Variants in CCDC178 observed in about 807,000 individuals in gnomAD.
CCDC178 encodes the protein coiled-coil domain-containing protein 178.
In CCDC178, 126 loss-of-function variants were observed where a neutral mutation model predicts 117.4. The observed-to-expected ratio is 1.07, with a 90% CI of 0.93 to 1.24. CCDC178 has a LOEUF of 1.24. CCDC178 is among the 50% of genes most tolerant of loss of function. The pLI is 0.00. For synonymous variants in CCDC178, 283 were observed against 313.4 expected (o/e 0.90, Z 1.02); for missense variants, 1,030 against 986.9 (o/e 1.04, Z -0.59).
At chr18:33,223,365 G>A in intron 17 of CCDC178, 146 bp from the exon 18 acceptor site, 1 of 940,684 alleles carries the variant, frequency 1.1e-6, no homozygotes, top group Non-Finnish European at 1.4e-6. Flanking sequence ...ATAAATTACA[G>A]AAATATACTG....
chr18:33,285,369 A>G (rs1024986278), intron 12 of CCDC178, among the ~76,000 whole-genome samples: 1 of 152,126 alleles, frequency 6.6e-6, no homozygotes, highest in South Asian at 2.1e-4. Flanking sequence ...AACAATGGAA[A>G]AAAATCACCA....
intron 20 of CCDC178, among the ~76,000 whole-genome samples, chr18:33,099,135 T>C (rs1054288202): frequency 1.3e-5 from 2 of 152,074 alleles, no homozygotes; most frequent in Admixed American, 6.6e-5. Context: ...TAAACTCTCA[T>C]AGATAAGGTT....
chr18:32,967,757 TTTTTG>T (rs2054845063), intron 22 of CCDC178, among the ~76,000 whole-genome samples: 1 of 151,734 alleles, frequency 6.6e-6, no homozygotes, highest in African/African-American at 2.4e-5. Context: ...ACTGACAAAT[TTTTTG>T]TTTTGTTTTT....
chr18:33,169,827 T>G (rs570162846), intron 20 of CCDC178, among the ~76,000 whole-genome samples: 4 of 152,302 alleles, frequency 2.6e-5, no homozygotes, highest in Non-Finnish European at 4.4e-5. Flanking sequence ...TTCAATTCAA[T>G]TATTGAATGT....
At chr18:33,362,190 C>CATATATAT (rs1491079046) in intron 6 of CCDC178, among the ~76,000 whole-genome samples, 13 of 147,692 alleles carry the variant, frequency 8.8e-5, no homozygotes, top group African/African-American at 1.5e-4. Flanking sequence ...TATATATATA[C>CATATATAT]ATATATATAT....
intron 2 of CCDC178, among the ~76,000 whole-genome samples, chr18:33,415,523 G>C (rs938207943): frequency 6.6e-6 from 1 of 151,430 alleles, no homozygotes; most frequent in Non-Finnish European, 1.5e-5. Flanking sequence ...GACACAGGAA[G>C]GGGGACATCA....
At chr18:32,994,665 G>A (rs542503846) in intron 21 of CCDC178, among the ~76,000 whole-genome samples, 1 of 152,284 alleles carries the variant, frequency 6.6e-6, no homozygotes, top group Non-Finnish European at 1.5e-5. Context: ...CAAGTTTATT[G>A]CTGCGGTCAA....
At chr18:32,986,629 GA>G (rs1398909234) in intron 21 of CCDC178, among the ~76,000 whole-genome samples, 1 of 151,980 alleles carries the variant, frequency 6.6e-6, no homozygotes, top group Non-Finnish European at 1.5e-5. Flanking sequence ...ATGTAATTCA[GA>G]AAAAAGGAAA....
chr18:32,945,993 C>T (rs1243080850), intron 22 of CCDC178, among the ~76,000 whole-genome samples: 1 of 151,948 alleles, frequency 6.6e-6, no homozygotes, highest in Non-Finnish European at 1.5e-5. Flanking sequence ...GGATAATTGT[C>T]TCTTGACCAT....
At chr18:33,282,692 G>T (rs1010245229) in intron 12 of CCDC178, among the ~76,000 whole-genome samples, 1 of 152,130 alleles carries the variant, frequency 6.6e-6, no homozygotes, top group African/African-American at 2.4e-5. Flanking sequence ...TCACTACCTG[G>T]CACATGTTTG....
At chr18:33,246,143 ATCTGGGGTAAAGC>A (rs1205145519) in intron 14 of CCDC178, among the ~76,000 whole-genome samples, 2 of 151,864 alleles carry the variant, frequency 1.3e-5, no homozygotes, top group African/African-American at 4.8e-5. Flanking sequence ...TATACAATAA[ATCTGGGGTAAAGC>A]TCCAGCATCA....
chr18:33,004,239 A>G (rs1009888353), intron 21 of CCDC178, among the ~76,000 whole-genome samples: 1 of 152,102 alleles, frequency 6.6e-6, no homozygotes, highest in African/African-American at 2.4e-5. Flanking sequence ...AAAAAGAACA[A>G]AACTGGAGAA....
chr18:33,206,139 C>T (rs557898885), intron 20 of CCDC178, among the ~76,000 whole-genome samples: 39 of 152,046 alleles, frequency 2.6e-4, no homozygotes, highest in Non-Finnish European at 4.1e-4. Context: ...CCCCACCCCC[C>T]AAAAAGGACT....
intron 14 of CCDC178, among the ~76,000 whole-genome samples, chr18:33,251,963 A>G (rs1376528900): frequency 6.6e-6 from 1 of 151,784 alleles, no homozygotes; most frequent in Admixed American, 6.6e-5. Flanking sequence ...TTTTGATCCA[A>G]TGTAACTAGG....
chr18:33,247,952 A>C (rs2059570398), intron 14 of CCDC178, among the ~76,000 whole-genome samples: 1 of 151,868 alleles, frequency 6.6e-6, no homozygotes, highest in Admixed American at 6.6e-5. Flanking sequence ...TATGAAGATT[A>C]GTTTAAAAAT....
At chr18:33,321,887 T>C (rs1335448824) in intron 11 of CCDC178, among the ~76,000 whole-genome samples, 1 of 151,926 alleles carries the variant, frequency 6.6e-6, no homozygotes, top group African/African-American at 2.4e-5. Context: ...TGTGTCTACA[T>C]GGTGTTTACA....
At chr18:33,070,224 C>T (rs1032151290) in intron 21 of CCDC178, among the ~76,000 whole-genome samples, 1 of 151,936 alleles carries the variant, frequency 6.6e-6, no homozygotes, top group African/African-American at 2.4e-5. Context: ...ATACCTGCAC[C>T]CGCATGTTTA....
chr18:33,327,384 G>C (rs2062598905), intron 10 of CCDC178, among the ~76,000 whole-genome samples: 2 of 152,112 alleles, frequency 1.3e-5, no homozygotes, highest in Non-Finnish European at 2.9e-5. Flanking sequence ...ATTGTGAATA[G>C]TGCTACTAAT....
intron 2 of CCDC178, among the ~76,000 whole-genome samples, chr18:33,430,026 A>C (rs1641124712): frequency 6.6e-6 from 1 of 152,188 alleles, no homozygotes; most frequent in South Asian, 2.1e-4. Flanking sequence ...GATAAAAGCA[A>C]AGCTAAGAGA....
Sources: gnomAD v4.1 joint callset for allele counts (sites outside exome capture counted in the v4.1 genomes callset) on GRCh38, gnomAD v4.1.1 for gene constraint, MANE v1.5 for transcripts, NCBI Gene and HGNC (gene_info 2026-07-23, HGNC 2026-07-21) for gene names.